Variants in ANKRD18A observed in about 807,000 individuals in gnomAD.
ANKRD18A encodes ankyrin repeat domain-containing protein 18A.
Under a neutral mutation model 110.6 loss-of-function variants are expected in ANKRD18A, and 72 were observed. That is an observed-to-expected ratio of 0.65 (90% confidence interval 0.54 to 0.79). ANKRD18A has a LOEUF of 0.79. ANKRD18A is among the 30% of genes least tolerant of loss of function. ANKRD18A has a pLI of 0.00. For missense variants in ANKRD18A, 934 were observed against 1,163.3 expected (o/e 0.80, Z 2.87); for synonymous variants, 305 against 410.3 (o/e 0.74, Z 3.10).
At position 38,615,965 on chromosome 9, in the gene ANKRD18A, T is replaced by C. The variant is rs772814893; in HGVS notation, c.286A>G (p.Ile96Val). The C allele has an allele frequency of 3.8e-6, 6 of 1,583,052 alleles. No homozygotes were observed. The highest frequency in any genetic ancestry group is 4.3e-6 in the Non-Finnish European group (5 of 1,163,338). ...GGTGTCCTGTTTAGTCTGTCACAGA[T>C]GTCGATCTGGCATCTTCTGTGCAGC... ...LLLHRRCQIDICDRLNRTPLM... is the reference protein window; with the variant it reads ...LLLHRRCQIDVCDRLNRTPLM... The change falls in exon 2 of 16, where the codon ATC (isoleucine) becomes GTC (valine). Residue 96 changes from isoleucine (I) to valine (V), a missense_variant. Ile to Val is a conservative substitution (Grantham distance 29). Coordinates refer to ENST00000399703, the MANE Select transcript of ANKRD18A (RefSeq NM_147195.4).
chr9:38,616,372 A>T (rs1321618689), intron 1 of ANKRD18A, among the ~76,000 whole-genome samples: 1 of 152,250 alleles, frequency 6.6e-6, no homozygotes, highest in African/African-American at 2.4e-5. Flanking sequence ...GCTAGCTCAC[A>T]GGACACCACT....
intron 1 of ANKRD18A, among the ~76,000 whole-genome samples, chr9:38,619,544 T>C (rs1324202830): frequency 6.6e-6 from 1 of 152,236 alleles, no homozygotes; most frequent in South Asian, 2.1e-4. Flanking sequence ...AATGGTAAGA[T>C]AGATAGCAAG....
intron 12 of ANKRD18A, among the ~76,000 whole-genome samples, chr9:38,579,929 A>G: frequency 6.6e-6 from 1 of 152,244 alleles, no homozygotes. Flanking sequence ...ATCAACCTAC[A>G]TGTCCATCAA....
In ANKRD18A at chr9:38,593,785, T is replaced by C. The variant is rs535353908; in HGVS notation, c.1979A>G (p.Lys660Arg). The change falls in exon 10 of 16, where the codon AAG becomes AGG. Residue 660 changes from lysine to arginine, a missense_variant. This residue lies in a region of ANKRD18A where 630 missense variants were observed against 797.5 expected (regional missense o/e 0.79). Coordinates refer to ENST00000399703, the MANE Select transcript of ANKRD18A (RefSeq NM_147195.4). Reference sequence around the variant, plus strand: ...TTGAATTTCTACTTGAAATAATTTCTTCTTTGAAGTCCATGTCTCATTCAA... The same window carrying C: ...TTGAATTTCTACTTGAAATAATTTCCTCTTTGAAGTCCATGTCTCATTCAA... ...INLNETWTSK[K>R]KLFQVEIQPE... is the part of the protein sequence containing the mutation. 7 of 1,531,456 alleles carry C rather than the reference T, an allele frequency of 4.6e-6. No homozygotes were observed. The East Asian group carries it at 1.7e-4, about 38-fold the overall frequency. The allele number at this position is 1,531,456 out of a possible 1,614,324, so 94.9% of individuals were successfully genotyped here.
At chr9:38,589,309 AG>A in intron 10 of ANKRD18A, among the ~76,000 whole-genome samples, 1 of 152,348 alleles carries the variant, frequency 6.6e-6, no homozygotes, top group East Asian at 1.9e-4. Context: ...TCTCATCCAG[AG>A]ATCTATTTTT....
downstream of ANKRD18A, chr9:38,569,398 C>G: frequency 1.0e-6 from 1 of 985,416 alleles, no homozygotes. Context: ...AGGTCCCACT[C>G]ACCTGAGTCC....
chr9:38,578,860 A>G (rs1227276980), intron 12 of ANKRD18A, among the ~76,000 whole-genome samples: 1 of 152,228 alleles, frequency 6.6e-6, no homozygotes, highest in Non-Finnish European at 1.5e-5. Flanking sequence ...TTCTTCCTGG[A>G]CGATAGACAA....
chr9:38,595,296 C>T (rs542166637), intron 9 of ANKRD18A, among the ~76,000 whole-genome samples, 190 bp downstream of exon 9: 25 of 152,204 alleles, frequency 1.6e-4, no homozygotes, highest in African/African-American at 6.0e-4. Context: ...CAGCCCCAGG[C>T]CTACACAAAC....
rs1379193780 is a variant in ANKRD18A, at chr9:38,590,230, A to G, written c.2005-1567T>C. ...TCTCTTTCTTCTTTTTTGTACCAGT[A>G]TATTTTGTCCATTTTTTCTTTTTCT... On this transcript the variant is annotated intron_variant, in intron 10 of 15. Coordinates refer to ENST00000399703, the MANE Select transcript of ANKRD18A (RefSeq NM_147195.4). 3.1e-5 allele frequency among the ~76,000 whole-genome samples: 4 copies of G among 131,098 alleles called. No homozygotes were observed. The East Asian group carries it at 8.7e-4, about 28-fold the overall frequency. 86.0% of individuals were successfully genotyped at this position (131,098 alleles called of 152,430 possible).
chr9:38,575,212 CTT>C (rs947493503), intron 15 of ANKRD18A, among the ~76,000 whole-genome samples: 1 of 152,082 alleles, frequency 6.6e-6, no homozygotes, highest in Non-Finnish European at 1.5e-5. Flanking sequence ...TAAAACCTAA[CTT>C]AAATGCAGCT....
At chr9:38,590,424 G>GT (rs1359272402) in intron 10 of ANKRD18A, among the ~76,000 whole-genome samples, 1 of 151,842 alleles carries the variant, frequency 6.6e-6, no homozygotes, top group Non-Finnish European at 1.5e-5. Flanking sequence ...GCTAATTTTT[G>GT]TATTTTTAGT....
chr9:38,591,897 T>A (rs137991384), intron 10 of ANKRD18A, among the ~76,000 whole-genome samples: 3 of 152,156 alleles, frequency 2.0e-5, no homozygotes, highest in African/African-American at 7.2e-5. Context: ...CTGAATCAGT[T>A]CCCTCCCAGC....
chr9:38,606,869 T>C (rs779735797), intron 6 of ANKRD18A, among the ~76,000 whole-genome samples: 2 of 152,076 alleles, frequency 1.3e-5, no homozygotes, highest in Non-Finnish European at 2.9e-5. Flanking sequence ...TACAAAAATA[T>C]GTAGAATTTC....
chr9:38,569,606 C>A (rs1282410111), downstream of ANKRD18A, among the ~76,000 whole-genome samples: 3 of 152,254 alleles, frequency 2.0e-5, no homozygotes, highest in East Asian at 5.8e-4. Context: ...GAGTCGGTGT[C>A]CTCTATCCCC....
At chr9:38,612,888 T>C (rs1402227691) in intron 3 of ANKRD18A, among the ~76,000 whole-genome samples, 3 of 151,720 alleles carry the variant, frequency 2.0e-5, no homozygotes, top group African/African-American at 7.3e-5. Flanking sequence ...ATCTATCCAC[T>C]TCTCAGCAGG....
At position 38,593,821 on chromosome 9, in the gene ANKRD18A, C is replaced by T; in HGVS notation, c.1943G>A (p.Cys648Tyr). ...CCATGTCTCATTCAAATTAATATGA[C>T]AATGTGATGTACCTTCCAGTGGAGA... ...SESPLEGTSH[C>Y]HINLNETWTS... The change falls in exon 10 of 16, where the codon TGT (cysteine) becomes TAT (tyrosine). Residue 648 changes from cysteine (C) to tyrosine (Y), a missense_variant. Physicochemically the swap from Cys to Tyr is radical, Grantham distance 194. Transcript: ENST00000399703. The T allele has an allele frequency of 2.6e-6, 4 of 1,542,860 alleles. No homozygotes were observed. The highest frequency in any genetic ancestry group is 3.5e-6 in the Non-Finnish European group (4 of 1,143,576).
At chr9:38,614,843 T>G (rs1825786226) in intron 3 of ANKRD18A, among the ~76,000 whole-genome samples, 1 of 152,222 alleles carries the variant, frequency 6.6e-6, no homozygotes, top group African/African-American at 2.4e-5. Flanking sequence ...TTATCTAAGT[T>G]GCTGTTTTTG....
chr9:38,589,684 C>T (rs149163747), intron 10 of ANKRD18A, among the ~76,000 whole-genome samples: 1,829 of 152,298 alleles, frequency 0.012, 32 homozygotes, highest in African/African-American at 0.041. Context: ...TCTGCAACAC[C>T]ACCTCACCCA....
chr9:38,603,700 G>A (rs1352229862), intron 6 of ANKRD18A, among the ~76,000 whole-genome samples: 1 of 151,966 alleles, frequency 6.6e-6, no homozygotes, highest in East Asian at 1.9e-4. Flanking sequence ...CCTTTACAGA[G>A]AAAGCTTGCC....
Sources: gnomAD v4.1 joint callset for allele counts (sites outside exome capture counted in the v4.1 genomes callset) on GRCh38, gnomAD v4.1.1 for gene constraint, gnomAD v4.1.1 regional missense constraint, MANE v1.5 for transcripts, NCBI Gene and HGNC (gene_info 2026-07-23, HGNC 2026-07-21) for gene names.